PITPNM1: variants seen among roughly 807,000 people sequenced by gnomAD.
PITPNM1 encodes membrane-associated phosphatidylinositol transfer protein 1.
In PITPNM1, 74 loss-of-function variants were observed where a neutral mutation model predicts 133.3. The observed-to-expected ratio is 0.56, with a 90% CI of 0.46 to 0.67. The LOEUF (loss-of-function observed/expected upper bound fraction) is 0.67. Ranked by LOEUF, PITPNM1 falls within the 30% of genes least tolerant of loss-of-function variation. The pLI is 0.00. For missense variants in PITPNM1, 1,398 were observed against 1,739.5 expected (o/e 0.80, Z 3.49); for synonymous variants, 738 against 741.4 (o/e 1.00, Z 0.08).
At chr11:67,494,428 G>T in intron 18 of PITPNM1, 68 bp from the exon 19 acceptor site, 2 of 1,127,892 alleles carry the variant, frequency 1.8e-6, no homozygotes, top group South Asian at 1.5e-5. Flanking sequence ...GGGGGAGCGG[G>T]TGAGGATCCA....
In PITPNM1 at chr11:67,500,342, G is replaced by A. The variant is rs1337475121; in HGVS notation, c.720C>T (p.Asp240=). 2.5e-6 allele frequency: 4 copies of A among 1,612,214 alleles called. No individual in the cohort carries two copies. The highest frequency in any genetic ancestry group is 1.3e-5 in the African/African-American group (1 of 75,078). ...QDEWTELSMA[D]IRALEEETAR... The stretch of plus-strand genomic sequence containing the variant: ...CAGTCTCCTCTTCCAGTGCCCGGAT[G>A]TCAGCCATGCTCAGCTCTGTCCACT... Residue 240 remains aspartate, a synonymous_variant, in exon 6 of 24, where the codon GAC becomes GAT. Transcript: ENST00000356404.
chr11:67,493,474 CAGA>C lies in PITPNM1; in HGVS notation c.3275_3277del (p.Phe1092del), dbSNP rs1309548356. 9 of 1,605,236 alleles carry C rather than the reference CAGA, an allele frequency of 5.6e-6. No individual in the cohort carries two copies. The highest frequency in any genetic ancestry group is 1.3e-5 in the African/African-American group (1 of 74,852). The stretch of plus-strand genomic sequence containing the variant: ...TAGTGGGTCGTGGGTGAGGCCGTCG[CAGA>C]AGGAGACGACGCCGTGGGGGAAGTT... On this transcript the variant is annotated inframe_deletion, in exon 22 of 24. Transcript: ENST00000356404.
rs182733370 is a variant in PITPNM1 at position 67,497,277 on chromosome 11, C to T, written c.2100G>A (p.Leu700=). 3.2e-5 allele frequency: 52 copies of T among 1,612,388 alleles called. No homozygotes were observed. In the African/African-American group the frequency reaches 6.7e-4, roughly 21 times the overall value. The part of the protein sequence containing the change: ...VSGFFLFGSP[L]GLVLALRKTV... ...TTTTGCGCAGAGCCAGCACCAGGCC[C>T]AGTGGGGAGCCGAAGAGGAAGAAGC... The change falls in exon 14 of 24, where the codon CTG becomes CTA. Residue 700 remains leucine, a synonymous_variant. Coordinates refer to ENST00000356404, the MANE Select transcript of PITPNM1 (RefSeq NM_004910.3).
intron 8 of PITPNM1, 102 bp from the exon 9 acceptor site, chr11:67,499,103 A>G (rs1424177603): frequency 1.8e-6 from 2 of 1,137,180 alleles, no homozygotes; most frequent in Non-Finnish European, 2.5e-6. Flanking sequence ...TGAGGCCCCC[A>G]GTCCCTACCT....
rs1264019889 is a variant in PITPNM1 at position 67,492,132 on chromosome 11, G to T, written c.3636C>A (p.Gly1212=). 8.1e-6 allele frequency: 13 copies of T among 1,611,872 alleles called. 1 individual carries two copies. The South Asian group carries it at 1.4e-4, about 18-fold the overall frequency. Residue 1212 remains glycine, a synonymous_variant, in exon 24 of 24, where the codon GGC becomes GGA. Transcript: ENST00000356404. The part of the protein sequence containing the change: ...RKQSQLLRSR[G]PSQAEREGPG... ...GGCCCTCACGCTCCGCCTGGCTGGG[G>T]CCCCTCGAGCGAAGCAGCTGGCTCT...
Position 67,493,153 on chromosome 11 carries a change from G to C in PITPNM1, c.3343-91C>G, listed in dbSNP as rs1225269939. The C allele has an allele frequency of 1.2e-5, 18 of 1,489,112 alleles. No individual in the cohort carries two copies. In the East Asian group the frequency reaches 3.9e-4, roughly 32 times the overall value. The allele number at this position is 1,489,112 out of a possible 1,614,324, so 92.2% of individuals were successfully genotyped here. A position where few individuals can be genotyped will look rare whatever the true frequency, so the allele number is the denominator to read the frequency against. ...TGGGCTTCCCCAGATTGTTCTGGGGGTGGGTCCAGGCAGACGGAGGCGAAG... is the reference window on the plus strand; with the variant it reads ...TGGGCTTCCCCAGATTGTTCTGGGGCTGGGTCCAGGCAGACGGAGGCGAAG... On this transcript the variant is annotated intron_variant, in intron 22 of 23. Transcript: ENST00000356404.
Position 67,497,309 on chromosome 11 carries a change from C to T in PITPNM1, c.2068G>A (p.Val690Ile). Residue 690 changes from valine to isoleucine, a missense_variant, in exon 14 of 24, where the codon GTC (valine) becomes ATC (isoleucine). Around this residue, in one of 5 missense-constraint regions of PITPNM1, gnomAD observed 574 missense variants for 698.7 expected, o/e 0.82. Coordinates refer to ENST00000356404, the MANE Select transcript of PITPNM1 (RefSeq NM_004910.3). The part of the protein sequence containing the change: ...PSSTARLDFK[V>I]SGFFLFGSPL... ...GAGCCGAAGAGGAAGAAGCCAGAGA[C>T]CTTGAAGTCAAGGCGGGCAGTGCTG... 1 of 1,612,466 alleles carries T rather than the reference C, an allele frequency of 6.2e-7. No homozygotes were observed. Among genetic ancestry groups the T allele is most frequent in the Non-Finnish European group, 8.5e-7 (1 of 1,179,558 alleles).
rs1565188006 is a variant in PITPNM1 at position 67,493,999 on chromosome 11, G to A, written c.2931C>T (p.Ser977=). ...GAACTGGGAAGGTGAGGCGGCCCGA[G>A]CTATTGGTGACTTCGGTGCCAAAGT... is the stretch of plus-strand genomic sequence containing the variant. ...WIHFGTEVTN[S]SGRLTFPVPP... Residue 977 remains serine, a synonymous_variant, in exon 20 of 24, where the codon AGC becomes AGT. Transcript: ENST00000356404. 5 of 1,612,194 alleles carry A rather than the reference G, an allele frequency of 3.1e-6. No homozygotes were observed. Among genetic ancestry groups the A allele is most frequent in the Non-Finnish European group, 4.2e-6 (5 of 1,179,706 alleles).
intron 2 of PITPNM1, chr11:67,503,840 C>T (rs1866408131): frequency 2.7e-6 from 1 of 370,174 alleles, no homozygotes; most frequent in Non-Finnish European, 4.9e-6. Flanking sequence ...TTGCCGCCTC[C>T]TGGGCGCTTT....
Position 67,498,618 on chromosome 11 carries a change from C to T in PITPNM1, c.1462G>A (p.Ala488Thr), listed in dbSNP as rs781614059. ...RLVPCPPICA[A>T]AYALVSNLSP... ...TACTTGGAGACAAGGGCATAGGCGG[C>T]GGCGCAGATGGGTGGACAGGGCACC... Residue 488 changes from alanine to threonine, a missense_variant, in exon 10 of 24, where the codon GCC becomes ACC. By Grantham distance (58) the Ala-to-Thr change is moderately conservative. Around this residue, in one of 5 missense-constraint regions of PITPNM1, gnomAD observed 574 missense variants for 698.7 expected, o/e 0.82. Transcript: ENST00000356404. The surrounding 1 kb of genome is among the most constrained non-coding windows in gnomAD (Gnocchi z 5.7). 4.9e-5 allele frequency: 79 copies of T among 1,597,696 alleles called. No homozygotes were observed. In the East Asian group the frequency reaches 1.1e-3, roughly 22 times the overall value.
Position 67,496,242 on chromosome 11 carries a change from G to A in PITPNM1, c.2253C>T (p.Ile751=), listed in dbSNP as rs909473316. ...GGTAGCGGGGCACGGTCAGTGGGGC[G>A]ATGGCCTGGAACTTCGGGGCCAGCA... ...EPLLAPKFQA[I]APLTVPRYQK... Residue 751 remains isoleucine, a synonymous_variant, in exon 15 of 24, where the codon ATC becomes ATT. Transcript: ENST00000356404. 1.0e-5 allele frequency: 16 copies of A among 1,558,390 alleles called. No individual in the cohort carries two copies. In the African/African-American group the frequency reaches 1.4e-4, roughly 14 times the overall value.
At chr11:67,494,791 G>GCTGA (rs1866054200) in intron 18 of PITPNM1, 55 bp downstream of exon 18, 46 of 358,576 alleles carry the variant, frequency 1.3e-4, no homozygotes, top group South Asian at 1.2e-3. Flanking sequence ...GGGCCTCTCT[G>GCTGA]GTGAGTGGGC....
chr11:67,501,677 C>T (rs1446973164), intron 5 of PITPNM1, among the ~76,000 whole-genome samples, 185 bp downstream of exon 5: 1 of 152,168 alleles, frequency 6.6e-6, no homozygotes, highest in African/African-American at 2.4e-5. Context: ...GATCATGTTA[C>T]CAGCTTCCTG....
rs1285544485 is a variant in PITPNM1 at position 67,502,680 on chromosome 11, G to C, written c.117C>G (p.Gly39=). Residue 39 remains glycine, a synonymous_variant, in exon 3 of 24, where the codon GGC becomes GGG. Transcript: ENST00000356404. The surrounding 1 kb of genome is among the most constrained non-coding windows in gnomAD (Gnocchi z 5.9). The part of the protein sequence containing the change: ...SREESSGEGS[G]VEILANRPYT... ...AGGGCCGGTTGGCCAGGATCTCCAC[G>C]CCGCTGCCCTCACCACTAGACTCCT... is the stretch of plus-strand genomic sequence containing the variant. The C allele has an allele frequency of 1.2e-6, 2 of 1,613,354 alleles. No individual in the cohort carries two copies. Among genetic ancestry groups the C allele is most frequent in the Non-Finnish European group, 1.7e-6 (2 of 1,179,984 alleles).
At chr11:67,494,804 G>T in intron 18 of PITPNM1, 42 bp downstream of exon 18, 1 of 1,382,862 alleles carries the variant, frequency 7.2e-7, no homozygotes, top group Non-Finnish European at 1.0e-6. Flanking sequence ...GAGTGGGCGA[G>T]AGTGGGCGAG....
chr11:67,502,374 A>G lies in PITPNM1; in HGVS notation c.333T>C (p.Ile111=), dbSNP rs1053524247. 1.9e-6 allele frequency: 3 copies of G among 1,613,880 alleles called. No homozygotes were observed. Among genetic ancestry groups the G allele is most frequent in the Non-Finnish European group, 2.5e-6 (3 of 1,180,002 alleles). Residue 111 remains isoleucine (I), a synonymous_variant, in exon 4 of 24, where the codon ATT becomes ATC. Coordinates refer to ENST00000356404, the MANE Select transcript of PITPNM1 (RefSeq NM_004910.3). This position sits in a 1 kb window ranked among gnomAD's most constrained non-coding sequence, Gnocchi z 5.9. ...CPFVEKFSIE[I]ETYYLPDGGQ... ...CCCCATCAGGCAGGTAATAGGTCTC[A>G]ATTTCAATGGAGAATTTCTCCACGA...
chr11:67,494,841 C>T lies in PITPNM1; in HGVS notation c.2742+5G>A. 6.2e-7 allele frequency: 1 copy of T among 1,604,616 alleles called. No homozygotes were observed. Among genetic ancestry groups the T allele is most frequent in the Non-Finnish European group, 8.5e-7 (1 of 1,173,440 alleles). On this transcript the variant is annotated splice_donor_5th_base_variant and intron_variant, in intron 18 of 23. Transcript: ENST00000356404. ...GGGCGAGGGGGCGAGGGGCAGGGCA[C>T]CTACCCGGATCTTGACCTGCGTGCG...
chr11:67,492,161 T>A lies in PITPNM1; in HGVS notation c.3607A>T (p.Lys1203Ter). The change falls in exon 24 of 24, where the codon AAA becomes TAA. Residue 1203 changes from lysine (K) to a stop codon, truncating the protein, a stop_gained. Coordinates refer to ENST00000356404, the MANE Select transcript of PITPNM1 (RefSeq NM_004910.3). LOFTEE classifies it high-confidence loss of function. The stretch of plus-strand genomic sequence containing the variant: ...CTCGAGCGAAGCAGCTGGCTCTGTT[T>A]GCGCAGGAAGTCCACGGGGGCAGCC... ...GVAAPVDFLRKQSQLLRSRGP... is the reference protein window; with the variant it reads ...GVAAPVDFLR 1 of 1,611,484 alleles carries A rather than the reference T, an allele frequency of 6.2e-7. No homozygotes were observed. Among genetic ancestry groups the A allele is most frequent in the Non-Finnish European group, 8.5e-7 (1 of 1,179,800 alleles).
chr11:67,502,698 A>G lies in PITPNM1; in HGVS notation c.99T>C (p.Ser33=), dbSNP rs1866372771. Reference sequence around the variant, plus strand: ...TCTCCACGCCGCTGCCCTCACCACTAGACTCCTCCCGGCTCTTTTTCTGTG... The same window carrying G: ...TCTCCACGCCGCTGCCCTCACCACTGGACTCCTCCCGGCTCTTTTTCTGTG... ...YMIQKKSREE[S]SGEGSGVEIL... is the part of the protein sequence containing the mutation. Residue 33 remains serine, a synonymous_variant, in exon 3 of 24, where the codon TCT becomes TCC. Transcript: ENST00000356404. The surrounding 1 kb of genome is among the most constrained non-coding windows in gnomAD (Gnocchi z 5.9). 2.5e-6 allele frequency: 4 copies of G among 1,612,806 alleles called. No individual in the cohort carries two copies. Among genetic ancestry groups the G allele is most frequent in the Non-Finnish European group, 2.5e-6 (3 of 1,179,650 alleles).
Sources: allele counts gnomAD v4.1 joint callset (sites outside exome capture counted in the v4.1 genomes callset), GRCh38; gene constraint gnomAD v4.1.1; regional missense constraint gnomAD v4.1.1; non-coding constraint Gnocchi (gnomAD v3.1); transcripts MANE v1.5; gene names NCBI Gene and HGNC (gene_info 2026-07-23, HGNC 2026-07-21).